The following NCOA1 variants were observed in gnomAD, a reference collection of about 807,000 sequenced individuals.
NCOA1 encodes nuclear receptor coactivator 1, also known as Hin-2 protein.
In NCOA1, 35 loss-of-function variants were observed where a neutral mutation model predicts 150.9. The ratio of observed to expected loss-of-function variants is 0.23; its 90% CI spans 0.18 to 0.31. NCOA1 has a LOEUF of 0.31. NCOA1 is among the 10% of genes least tolerant of loss of function. NCOA1 has a pLI of 1.00. For synonymous variants in NCOA1, 590 were observed against 630.0 expected (o/e 0.94, Z 0.95); for missense variants, 1,491 against 1,749.3 (o/e 0.85, Z 2.63).
rs1183405187 is a variant in NCOA1 at position 24,576,149 on chromosome 2, G to GTTTTTT, written c.-259-8319_-259-8314dup. On this transcript the variant is annotated intron_variant, in intron 2 of 22. Coordinates refer to ENST00000348332, the MANE Select transcript of NCOA1 (RefSeq NM_003743.5). ...GAGTTTCAGAAATTATTTGGCCTTT[G>GTTTTTT]TTTTTTTTTTTTTGTTTTTTGTTTT... 2.8e-3 allele frequency among the ~76,000 whole-genome samples: 261 copies of GTTTTTT among 93,952 alleles called. 9 individuals are homozygous for GTTTTTT. The highest frequency in any genetic ancestry group is 3.8e-3 in the Non-Finnish European group (187 of 48,842). The allele number at this position is 93,952 out of a possible 152,430, so 61.6% of individuals were successfully genotyped here.
At position 24,730,785 on chromosome 2, in the gene NCOA1, G is replaced by A. The variant is rs1011801261; in HGVS notation, c.3201+970G>A. Among the ~76,000 whole-genome samples, 5 of 151,494 alleles carry A rather than the reference G, an allele frequency of 3.3e-5. No individual in the cohort carries two copies. In the East Asian group the frequency reaches 7.7e-4, roughly 23 times the overall value. On this transcript the variant is annotated intron_variant, in intron 17 of 22. Coordinates refer to ENST00000348332, the MANE Select transcript of NCOA1 (RefSeq NM_003743.5). ...TCACGCCTCTAATCCCAGCACTTTG[G>A]GAGACCAAGGCGGGTGGATCACTTG...
At chr2:24,530,535 A>G (rs1664839955) in intron 1 of NCOA1, among the ~76,000 whole-genome samples, 1 of 152,174 alleles carries the variant, frequency 6.6e-6, no homozygotes, top group South Asian at 2.1e-4. Flanking sequence ...TTCTTAATTT[A>G]CCTGTTGTTT....
chr2:24,535,494 G>A (rs938263964), intron 1 of NCOA1, among the ~76,000 whole-genome samples: 1 of 152,294 alleles, frequency 6.6e-6, no homozygotes, highest in East Asian at 1.9e-4. Flanking sequence ...CTGTCATTAT[G>A]ATGTTAGCTG....
At chr2:24,666,726 G>A (rs1459194750) in intron 6 of NCOA1, among the ~76,000 whole-genome samples, 2 of 151,578 alleles carry the variant, frequency 1.3e-5, no homozygotes, top group Non-Finnish European at 2.9e-5. Context: ...TCTACCTCCT[G>A]GGTTCAAGCA....
At chr2:24,533,290 A>G (rs1664978021) in intron 1 of NCOA1, among the ~76,000 whole-genome samples, 1 of 152,182 alleles carries the variant, frequency 6.6e-6, no homozygotes, top group South Asian at 2.1e-4. Context: ...ATTTTTGCAC[A>G]TTGATTTTGT....
intron 5 of NCOA1, among the ~76,000 whole-genome samples, chr2:24,664,576 C>T (rs1044443234): frequency 3.9e-5 from 6 of 152,094 alleles, no homozygotes; most frequent in East Asian, 1.9e-4. Context: ...GGCATGGTGG[C>T]GTGCGCCTGT....
At chr2:24,669,897 G>C (rs573355540) in intron 6 of NCOA1, among the ~76,000 whole-genome samples, 1 of 152,310 alleles carries the variant, frequency 6.6e-6, no homozygotes, top group East Asian at 1.9e-4. Flanking sequence ...CAGCACTTTG[G>C]GAGGCCAAGG....
At chr2:24,519,652 CAAA>C (rs1014874055) in intron 1 of NCOA1, among the ~76,000 whole-genome samples, 1 of 72,308 alleles carries the variant, frequency 1.4e-5, no homozygotes. Flanking sequence ...CCTGTCTCTA[CAAA>C]AAAAAAAAAA....
chr2:24,555,150 G>A (rs532298223), intron 1 of NCOA1, among the ~76,000 whole-genome samples: 1 of 152,082 alleles, frequency 6.6e-6, no homozygotes, highest in African/African-American at 2.4e-5. Flanking sequence ...CACAAACGTT[G>A]ATATTTTCTC....
intron 1 of NCOA1, among the ~76,000 whole-genome samples, chr2:24,540,589 G>T (rs868591218): frequency 2.0e-5 from 3 of 152,146 alleles, no homozygotes; most frequent in Non-Finnish European, 1.5e-5. Flanking sequence ...CTCCCCAGTA[G>T]CTGGGATTAC....
intron 1 of NCOA1, among the ~76,000 whole-genome samples, chr2:24,517,456 A>G (rs748601038): frequency 6.5e-4 from 99 of 152,034 alleles, no homozygotes; most frequent in Middle Eastern, 3.4e-3. Flanking sequence ...GATTTCCCTT[A>G]TCTGGAGCTG....
chr2:24,543,142 T>C (rs777803295), intron 1 of NCOA1, among the ~76,000 whole-genome samples: 5 of 152,166 alleles, frequency 3.3e-5, no homozygotes, highest in Non-Finnish European at 7.4e-5. Flanking sequence ...TAGTGCTCCA[T>C]CTAGGGGCTT....
At chr2:24,691,410 A>C in intron 8 of NCOA1, 71 bp from the exon 9 acceptor site, 4 of 1,432,906 alleles carry the variant, frequency 2.8e-6, no homozygotes, top group Non-Finnish European at 3.9e-6. Flanking sequence ...CTTAAAGTAC[A>C]TCTTTTGTAT....
At chr2:24,563,510 G>C (rs1666372995) in intron 1 of NCOA1, among the ~76,000 whole-genome samples, 1 of 151,878 alleles carries the variant, frequency 6.6e-6, no homozygotes, top group Admixed American at 6.6e-5. Flanking sequence ...GCAAAAGCCA[G>C]TAAATCTCTC....
At chr2:24,590,532 T>C (rs1178688972) in intron 3 of NCOA1, among the ~76,000 whole-genome samples, 1 of 152,244 alleles carries the variant, frequency 6.6e-6, no homozygotes, top group Non-Finnish European at 1.5e-5. Context: ...TTATAAAATT[T>C]TGAAATGTGG....
At chr2:24,610,121 A>ATTT (rs1558836368) in intron 3 of NCOA1, among the ~76,000 whole-genome samples, 1 of 111,938 alleles carries the variant, frequency 8.9e-6, no homozygotes, top group African/African-American at 3.4e-5. Context: ...TATAGGCTGC[A>ATTT]TTCTTTTTTT....
chr2:24,493,222 A>T (rs1047560097), intron 1 of NCOA1, among the ~76,000 whole-genome samples: 1 of 152,204 alleles, frequency 6.6e-6, no homozygotes, highest in Non-Finnish European at 1.5e-5. Flanking sequence ...TTTCTGTTTT[A>T]TCTCCTGTAC....
chr2:24,504,717 C>T (rs1423929368), intron 1 of NCOA1, among the ~76,000 whole-genome samples: 3 of 152,164 alleles, frequency 2.0e-5, no homozygotes, highest in African/African-American at 7.2e-5. Flanking sequence ...TTGCTACCAT[C>T]TTTAGAATGG....
intron 14 of NCOA1, among the ~76,000 whole-genome samples, chr2:24,725,887 A>G (rs979157320): frequency 6.6e-6 from 1 of 152,086 alleles, no homozygotes; most frequent in African/African-American, 2.4e-5. Flanking sequence ...ATAATTCATT[A>G]ATCAGTCCCT....
Sources: allele counts gnomAD v4.1 joint callset (sites outside exome capture counted in the v4.1 genomes callset), GRCh38; gene constraint gnomAD v4.1.1; transcripts MANE v1.5; gene names NCBI Gene and HGNC (gene_info 2026-07-23, HGNC 2026-07-21).